The following GALNT14 variants were observed in gnomAD, a reference collection of about 807,000 sequenced individuals.
GALNT14 encodes the protein UDP-GalNAc:polypeptide N-acetylgalactosaminyltransferase 14.
Under a neutral mutation model 77.5 loss-of-function variants are expected in GALNT14, and 60 were observed. The observed-to-expected ratio is 0.77, with a 90% confidence interval of 0.63 to 0.96. The LOEUF is 0.96. Ranked by LOEUF, GALNT14 falls within the 40% of genes least tolerant of loss-of-function variation. The pLI is 0.00. For missense variants in GALNT14, 710 were observed against 731.0 expected, an observed-to-expected ratio of 0.97 and a Z score of 0.33; for synonymous variants, 280 against 281.7, an observed-to-expected ratio of 0.99 and a Z score of 0.06.
intron 1 of GALNT14, among the ~76,000 whole-genome samples, chr2:31,062,116 T>C (rs1573274520): frequency 6.6e-6 from 1 of 152,218 alleles, no homozygotes; most frequent in East Asian, 1.9e-4. Flanking sequence ...TACATAGGTA[T>C]ACATGTGCCA....
intron 1 of GALNT14, among the ~76,000 whole-genome samples, chr2:31,023,492 C>A (rs762573203): frequency 6.6e-6 from 1 of 152,142 alleles, no homozygotes; most frequent in African/African-American, 2.4e-5. Context: ...GCCCCAGAAC[C>A]CTCTTCAGCA....
At chr2:31,079,862 G>A (rs987893955) in intron 1 of GALNT14, among the ~76,000 whole-genome samples, 2 of 152,144 alleles carry the variant, frequency 1.3e-5, no homozygotes, top group Non-Finnish European at 2.9e-5. Flanking sequence ...ACTCCCTCTG[G>A]TGGTCACTTC....
chr2:30,983,693 C>T (rs1264003028), intron 2 of GALNT14, among the ~76,000 whole-genome samples: 1 of 151,966 alleles, frequency 6.6e-6, no homozygotes, highest in Non-Finnish European at 1.5e-5. Context: ...CTGGGCAAAG[C>T]TAAAATATAA....
intron 1 of GALNT14, among the ~76,000 whole-genome samples, chr2:31,122,140 C>T (rs1291446951): frequency 6.6e-6 from 1 of 152,026 alleles, no homozygotes; most frequent in East Asian, 1.9e-4. Flanking sequence ...GTAGCAGAGC[C>T]CAATTAAAAT....
chr2:30,926,431 T>C (rs901144639), intron 11 of GALNT14, among the ~76,000 whole-genome samples: 4 of 152,168 alleles, frequency 2.6e-5, no homozygotes, highest in African/African-American at 4.8e-5. Context: ...TTAGGATTTG[T>C]TGAGTTGGAG....
chr2:31,031,805 G>A (rs1672433203), intron 1 of GALNT14, among the ~76,000 whole-genome samples: 1 of 152,264 alleles, frequency 6.6e-6, no homozygotes, highest in Non-Finnish European at 1.5e-5. Flanking sequence ...CAACTTCCAT[G>A]GAGGGGCAGA....
the GALNT14 span, among the ~76,000 whole-genome samples, chr2:30,905,239 G>A: frequency 0.028 from 4,224 of 152,298 alleles, 185 homozygotes; most frequent in African/African-American, 0.096. Flanking sequence ...GAGAGAAGAA[G>A]CCTTCAGACG....
chr2:31,063,471 T>C (rs926503734), intron 1 of GALNT14, among the ~76,000 whole-genome samples: 1 of 152,222 alleles, frequency 6.6e-6, no homozygotes, highest in African/African-American at 2.4e-5. Context: ...AATCTTGTAG[T>C]ATAGTTTGAA....
intron 6 of GALNT14, 41 bp downstream of exon 6, chr2:30,955,577 C>G (rs1294094296): frequency 6.2e-7 from 1 of 1,601,588 alleles, no homozygotes; most frequent in African/African-American, 1.3e-5. Flanking sequence ...CTGGAGAAAG[C>G]TGGGGCACGA....
chr2:31,134,195 T>C (rs538769731), intron 1 of GALNT14, among the ~76,000 whole-genome samples: 1 of 152,330 alleles, frequency 6.6e-6, no homozygotes, highest in East Asian at 1.9e-4. Context: ...GGTCGGGTAG[T>C]TCCCCAGACC....
chr2:31,019,556 T>G (rs1050171967), intron 1 of GALNT14, among the ~76,000 whole-genome samples: 12 of 152,132 alleles, frequency 7.9e-5, no homozygotes, highest in Non-Finnish European at 1.5e-4. Context: ...CACAACCCAG[T>G]CCTGCACTCA....
intron 1 of GALNT14, among the ~76,000 whole-genome samples, chr2:31,036,628 T>C (rs1672752196): frequency 6.6e-6 from 1 of 152,270 alleles, no homozygotes; most frequent in African/African-American, 2.4e-5. Flanking sequence ...TTTGAGTTAC[T>C]GCCTACTGTT....
intron 6 of GALNT14, among the ~76,000 whole-genome samples, chr2:30,953,289 A>G (rs564190746): frequency 3.4e-5 from 5 of 149,140 alleles, no homozygotes; most frequent in Admixed American, 2.7e-4. Context: ...TTTCTTCCTC[A>G]CAAATAATTT....
At chr2:30,947,661 C>A (rs1042542268) in intron 6 of GALNT14, among the ~76,000 whole-genome samples, 4 of 152,206 alleles carry the variant, frequency 2.6e-5, no homozygotes, top group African/African-American at 7.2e-5. Context: ...TTTTCCAATC[C>A]TCTGCACCAA....
At chr2:31,137,567 CCGCCACA>C (rs1679280615) in intron 1 of GALNT14, among the ~76,000 whole-genome samples, 1 of 152,016 alleles carries the variant, frequency 6.6e-6, no homozygotes, top group African/African-American at 2.4e-5. Flanking sequence ...GTCAGCGCAG[CCGCCACA>C]CTTCGCCCGG....
intron 2 of GALNT14, among the ~76,000 whole-genome samples, chr2:30,987,649 T>C (rs967342043): frequency 2.6e-5 from 4 of 152,152 alleles, no homozygotes; most frequent in Middle Eastern, 6.8e-3. Context: ...CGCCGGTGCA[T>C]CTGGGGATTC....
At chr2:31,113,561 G>C (rs1573367202) in intron 1 of GALNT14, among the ~76,000 whole-genome samples, 1 of 152,160 alleles carries the variant, frequency 6.6e-6, no homozygotes. Flanking sequence ...CCTGGAGCTA[G>C]GGTAGCTCAG....
the GALNT14 span, among the ~76,000 whole-genome samples, chr2:30,890,580 T>C: frequency 6.6e-6 from 1 of 152,196 alleles, no homozygotes; most frequent in South Asian, 2.1e-4. Flanking sequence ...TGTATTGTAA[T>C]AATAGGAGGC....
rs186743742 is a variant in GALNT14 at position 30,952,963 on chromosome 2, G to C, written c.654+2655C>G. ...CTTTAAAAATATGACCTGAGTTTAA[G>C]TAAGGAACACCTTGTCTCTTCTGTA... On this transcript the variant is annotated intron_variant, in intron 6 of 14. Transcript: ENST00000349752. 1.7e-3 allele frequency among the ~76,000 whole-genome samples: 254 copies of C among 152,256 alleles called. 2 individuals are homozygous for C. Among genetic ancestry groups the C allele is most frequent in the African/African-American group, 6.0e-3 (248 of 41,546 alleles).
Sources: gnomAD v4.1 joint callset for allele counts (sites outside exome capture counted in the v4.1 genomes callset) on GRCh38, gnomAD v4.1.1 for gene constraint, MANE v1.5 for transcripts, NCBI Gene and HGNC (gene_info 2026-07-23, HGNC 2026-07-21) for gene names.